Variants in PCDHGA1 observed in about 807,000 individuals in gnomAD.
PCDHGA1 encodes protocadherin gamma-A1.
A neutral mutation model predicts 58.0 loss-of-function variants in PCDHGA1; 32 were observed. That is an observed-to-expected ratio of 0.55 (90% CI 0.42 to 0.74). PCDHGA1 has a LOEUF of 0.74. Ranked by LOEUF, PCDHGA1 falls within the 30% of genes least tolerant of loss-of-function variation. The pLI, the probability that PCDHGA1 is intolerant of heterozygous loss-of-function variation, is 0.00. For missense variants in PCDHGA1, 1,205 were observed against 1,182.3 expected (o/e 1.02, Z -0.28); for synonymous variants, 498 against 501.1 (o/e 0.99, Z 0.08).
chr5:141,372,306 G>A (rs771102617), intron 1 of PCDHGA1: 4 of 1,613,152 alleles, frequency 2.5e-6, no homozygotes, highest in Non-Finnish European at 3.4e-6. Context: ...CAGGGAGGCC[G>A]CCCGCCAGCG....
At chr5:141,400,652 T>A in intron 1 of PCDHGA1, 1 of 1,143,230 alleles carries the variant, frequency 8.7e-7, no homozygotes, top group Non-Finnish European at 1.3e-6. Flanking sequence ...AAAGCTGTCC[T>A]ACCATTCTTT....
chr5:141,355,443 C>A (rs1373026083), intron 1 of PCDHGA1: 1 of 1,614,076 alleles, frequency 6.2e-7, no homozygotes, highest in Non-Finnish European at 8.5e-7. Context: ...ACCCGCGCAG[C>A]GGCACCTTGG....
chr5:141,421,109 T>C (rs2096547097), intron 1 of PCDHGA1: 2 of 715,670 alleles, frequency 2.8e-6, no homozygotes, highest in East Asian at 2.8e-5. Flanking sequence ...GACTTAGAAG[T>C]ATTTTCCTTC....
chr5:141,389,449 A>T lies in PCDHGA1; in HGVS notation c.2421+56344A>T, dbSNP rs771507101. The stretch of plus-strand genomic sequence containing the variant: ...GCGCAGCGCGCCTTCGACCACGAGC[A>T]GCTGCGCGCCTTCGAACTCACACTG... On this transcript the variant is annotated intron_variant, in intron 1 of 3. Coordinates refer to ENST00000517417, the MANE Select transcript of PCDHGA1 (RefSeq NM_018912.3). 17 of 1,610,420 alleles carry T rather than the reference A, an allele frequency of 1.1e-5. No individual in the cohort carries two copies. In the African/African-American group the frequency reaches 2.3e-4, roughly 22 times the overall value.
chr5:141,491,529 G>C lies in PCDHGA1; in HGVS notation c.2422-3278G>C. 1 of 1,614,040 alleles carries C rather than the reference G, an allele frequency of 6.2e-7. No individual in the cohort carries two copies. The highest frequency in any genetic ancestry group is 1.1e-5 in the South Asian group (1 of 91,080). On this transcript the variant is annotated intron_variant, in intron 1 of 3. Coordinates refer to ENST00000517417, the MANE Select transcript of PCDHGA1 (RefSeq NM_018912.3). The surrounding 1 kb of genome is among the most constrained non-coding windows in gnomAD (Gnocchi z 6.9). ...GCACGCTCAAGTACATGGAGGTGACGCTGCGGCCCACAGACTCGCAGAGCC... is the reference window on the plus strand; with the variant it reads ...GCACGCTCAAGTACATGGAGGTGACCCTGCGGCCCACAGACTCGCAGAGCC...
At position 141,419,312 on chromosome 5, in the gene PCDHGA1, G is replaced by C. The variant is rs35892780; in HGVS notation, c.2422-75495G>C. On this transcript the variant is annotated intron_variant, in intron 1 of 3. Transcript: ENST00000517417. ...CTCTGACCCAGACTTCGGGCTCAAC[G>C]GCCGTGTCTCCTACTCTCTCATTGC... 1.0e-3 allele frequency: 1,689 copies of C among 1,613,962 alleles called. 4 individuals are homozygous for C. Among genetic ancestry groups the C allele is most frequent in the Middle Eastern group, 5.3e-3 (32 of 6,062 alleles).
Position 141,361,351 on chromosome 5 carries a change from A to T in PCDHGA1, c.2421+28246A>T, listed in dbSNP as rs200180237. Reference sequence around the variant, plus strand: ...CTCAAAGAACTATTACAAACTAGTGACAGACGGCGCTCTGGACCGGGAGGA... The same window carrying T: ...CTCAAAGAACTATTACAAACTAGTGTCAGACGGCGCTCTGGACCGGGAGGA... On this transcript the variant is annotated intron_variant, in intron 1 of 3. Coordinates refer to ENST00000517417, the MANE Select transcript of PCDHGA1 (RefSeq NM_018912.3). 1.6e-3 allele frequency: 2,637 copies of T among 1,613,994 alleles called. 1 individual carries two copies. Among genetic ancestry groups the T allele is most frequent in the Non-Finnish European group, 2.1e-3 (2,436 of 1,179,894 alleles).
rs753358324 is a variant in PCDHGA1, at chr5:141,487,328, G to A, written c.2422-7479G>A. On this transcript the variant is annotated intron_variant, in intron 1 of 3. Transcript: ENST00000517417. This position sits in a 1 kb window ranked among gnomAD's most constrained non-coding sequence, Gnocchi z 5.0. ...ACTACTCTCTAAGTGTCTTCGTGGG[G>A]CAGCCTGTGGAGTCACATGCTTTCC... 1.2e-6 allele frequency: 2 copies of A among 1,613,962 alleles called. No individual in the cohort carries two copies. The highest frequency in any genetic ancestry group is 2.2e-5 in the East Asian group (1 of 44,874).
At chr5:141,385,826 TTACAG>T (rs2090363283) in intron 1 of PCDHGA1, 1 of 155,578 alleles carries the variant, frequency 6.4e-6, no homozygotes, top group Non-Finnish European at 1.4e-5. Flanking sequence ...CTTGACCTAT[TTACAG>T]TATAATCATT....
intron 1 of PCDHGA1, chr5:141,400,068 GC>G (rs1160956861): frequency 6.2e-7 from 1 of 1,613,706 alleles, no homozygotes; most frequent in African/African-American, 1.3e-5. Context: ...ATGGTGGACA[GC>G]CGCCACTCTC....
At chr5:141,430,313 G>A (rs1018901791) in intron 1 of PCDHGA1, among the ~76,000 whole-genome samples, 1 of 150,204 alleles carries the variant, frequency 6.7e-6, no homozygotes, top group South Asian at 2.1e-4. Context: ...AACATTATAA[G>A]ATTAAAATCA....
intron 1 of PCDHGA1, chr5:141,351,104 C>G: frequency 6.2e-7 from 1 of 1,614,064 alleles, no homozygotes; most frequent in Non-Finnish European, 8.5e-7. Flanking sequence ...CCTCAATTCC[C>G]CAATAAGTAC....
At chr5:141,348,301 C>G (rs972153885) in intron 1 of PCDHGA1, among the ~76,000 whole-genome samples, 1 of 152,130 alleles carries the variant, frequency 6.6e-6, no homozygotes, top group Non-Finnish European at 1.5e-5. Context: ...CTCACTGAAA[C>G]ATGGAAATAC....
At chr5:141,409,952 C>T (rs892751686) in intron 1 of PCDHGA1, 2 of 1,613,232 alleles carry the variant, frequency 1.2e-6, no homozygotes, top group Non-Finnish European at 1.7e-6. Context: ...CTCTGCAGAG[C>T]CCGGCTACCT....
intron 1 of PCDHGA1, among the ~76,000 whole-genome samples, chr5:141,373,744 G>C (rs10061034): frequency 0.027 from 4,169 of 152,204 alleles, 185 homozygotes; most frequent in African/African-American, 0.096. Flanking sequence ...TCATTATCTT[G>C]GGGAGGGAAA....
chr5:141,450,581 G>A (rs2098686464), intron 1 of PCDHGA1, among the ~76,000 whole-genome samples: 1 of 151,878 alleles, frequency 6.6e-6, no homozygotes, highest in Non-Finnish European at 1.5e-5. Context: ...CTGCCTCCCA[G>A]GTTCAAGCAA....
chr5:141,367,141 T>G (rs1764967867), intron 1 of PCDHGA1: 1 of 171,782 alleles, frequency 5.8e-6, no homozygotes, highest in Admixed American at 5.8e-5. Context: ...GAAAGGATAA[T>G]GTATAGGACT....
chr5:141,413,575 G>A lies in PCDHGA1; in HGVS notation c.2421+80470G>A, dbSNP rs762938003. The stretch of plus-strand genomic sequence containing the variant: ...AGAAGTAACTGATATCAATGACAAT[G>A]CTCCAAAATTCCAAGCAGAAAATCT... On this transcript the variant is annotated intron_variant, in intron 1 of 3. Transcript: ENST00000517417. 4.3e-6 allele frequency: 7 copies of A among 1,613,886 alleles called. No individual in the cohort carries two copies. In the South Asian group the frequency reaches 6.6e-5, roughly 15 times the overall value.
At chr5:141,422,597 C>T in intron 1 of PCDHGA1, 1 of 1,614,102 alleles carries the variant, frequency 6.2e-7, no homozygotes, top group Non-Finnish European at 8.5e-7. Context: ...CCTCACTCCT[C>T]TTACTCTGCC....
Sources: gnomAD v4.1 joint callset for allele counts (sites outside exome capture counted in the v4.1 genomes callset) on GRCh38, gnomAD v4.1.1 for gene constraint, Gnocchi (gnomAD v3.1) non-coding constraint, MANE v1.5 for transcripts, NCBI Gene and HGNC (gene_info 2026-07-23, HGNC 2026-07-21) for gene names.